Variants in OSTN observed in about 807,000 individuals in gnomAD.
OSTN encodes osteocrin.
A neutral mutation model predicts 12.0 loss-of-function variants in OSTN; 9 were observed. The observed-to-expected ratio is 0.75, with a 90% confidence interval of 0.45 to 1.30. The LOEUF (loss-of-function observed/expected upper bound fraction) is 1.30, where lower values mean the gene tolerates loss of function less well. Among genes scored for constraint, OSTN ranks in the 50% most tolerant of loss-of-function variants. The probability of loss-of-function intolerance (pLI) is 0.00; values close to 1 mark genes in which losing one functional copy is unlikely to be tolerated. For missense variants in OSTN, 148 were observed against 152.3 expected, an observed-to-expected ratio of 0.97 and a Z score of 0.15; for synonymous variants, 59 against 56.9, an observed-to-expected ratio of 1.04 and a Z score of -0.16.
intron 3 of OSTN, among the ~76,000 whole-genome samples, chr3:191,240,586 G>A (rs931503509): frequency 2.6e-5 from 4 of 152,098 alleles, no homozygotes; most frequent in Non-Finnish European, 5.9e-5. Flanking sequence ...TTTGTGCATC[G>A]GAAATCCAGG....
At chr3:191,204,936 T>C (rs140623473) in intron 1 of OSTN, among the ~76,000 whole-genome samples, 1 of 152,202 alleles carries the variant, frequency 6.6e-6, no homozygotes, top group Non-Finnish European at 1.5e-5. Flanking sequence ...ACAATTTTTT[T>C]AATTATGTTT....
At chr3:191,258,309 CA>C (rs1226058121) in intron 4 of OSTN, among the ~76,000 whole-genome samples, 6 of 152,140 alleles carry the variant, frequency 3.9e-5, no homozygotes, top group Non-Finnish European at 8.8e-5. Flanking sequence ...GGACAGAACT[CA>C]TTAAGGAACA....
chr3:191,219,816 A>G (rs1427061763), intron 3 of OSTN, among the ~76,000 whole-genome samples: 2 of 152,196 alleles, frequency 1.3e-5, no homozygotes, highest in Non-Finnish European at 2.9e-5. Flanking sequence ...CATATTAAAT[A>G]TCTCCAGAAT....
chr3:191,263,119 T>A lies in OSTN; in HGVS notation c.*266T>A, dbSNP rs1576907476. ...GTTAACTTCCCCTTAAACCTTACTT[T>A]TAAAAATAATAATTAAATACACAAT... On this transcript the variant is annotated 3_prime_UTR_variant, in exon 5 of 5. Transcript: ENST00000682035. 2.3e-6 allele frequency: 1 copy of A among 436,046 alleles called. No homozygotes were observed. The highest frequency in any genetic ancestry group is 4.1e-6 in the Non-Finnish European group (1 of 245,530). The allele number at this position is 436,046 out of a possible 1,614,324, so 27.0% of individuals were successfully genotyped here.
At chr3:191,259,491 T>A (rs6444523) in intron 4 of OSTN, among the ~76,000 whole-genome samples, 1 of 150,984 alleles carries the variant, frequency 6.6e-6, no homozygotes, top group Non-Finnish European at 1.5e-5. Flanking sequence ...GTGAGCCACC[T>A]TGCCTGGATT....
intron 4 of OSTN, among the ~76,000 whole-genome samples, chr3:191,253,717 T>C (rs985739676): frequency 6.6e-6 from 1 of 152,180 alleles, no homozygotes; most frequent in Non-Finnish European, 1.5e-5. Flanking sequence ...AGTTTAAAGG[T>C]ACCAAACTCT....
At chr3:191,238,614 C>T (rs1715254268) in intron 3 of OSTN, among the ~76,000 whole-genome samples, 2 of 152,180 alleles carry the variant, frequency 1.3e-5, no homozygotes, top group Non-Finnish European at 2.9e-5. Flanking sequence ...ACTCAGTTCC[C>T]GAACTTAACT....
Position 191,260,849 on chromosome 3 carries a change from G to C in OSTN, c.*13-2017G>C, listed in dbSNP as rs116004123. Among the ~76,000 whole-genome samples, 974 of 152,252 alleles carry C rather than the reference G, an allele frequency of 6.4e-3. 11 individuals are homozygous for C. The highest frequency in any genetic ancestry group is 0.021 in the African/African-American group (876 of 41,550). The stretch of plus-strand genomic sequence containing the variant: ...ACAGAAAGACAGAGACAAAGAAAAA[G>C]ACTGTTTCTGGGAGGAAAGAGATCA... On this transcript the variant is annotated intron_variant, in intron 4 of 4. Transcript: ENST00000682035.
At chr3:191,250,212 G>C in intron 4 of OSTN, 79 bp downstream of exon 4, 1 of 1,098,420 alleles carries the variant, frequency 9.1e-7, no homozygotes, top group Admixed American at 1.9e-5. Flanking sequence ...ATCCATTCTT[G>C]CTTATAAATC....
chr3:191,235,255 T>A (rs1374001809), intron 3 of OSTN, among the ~76,000 whole-genome samples: 1 of 152,114 alleles, frequency 6.6e-6, no homozygotes, highest in Non-Finnish European at 1.5e-5. Context: ...AATAACCATA[T>A]AACAGTAATT....
chr3:191,246,282 AGTG>A (rs1420913896), intron 3 of OSTN, among the ~76,000 whole-genome samples: 3 of 151,476 alleles, frequency 2.0e-5, no homozygotes, highest in Non-Finnish European at 4.4e-5. Context: ...AGTTCCTTAC[AGTG>A]GCAGGACCAA....
intron 4 of OSTN, among the ~76,000 whole-genome samples, chr3:191,259,978 C>T (rs1187114805): frequency 6.7e-6 from 1 of 148,756 alleles, no homozygotes; most frequent in African/African-American, 2.4e-5. Flanking sequence ...CCTCAGCCTC[C>T]GGGGTAGCTG....
At chr3:191,216,422 C>T (rs1714614440) in intron 2 of OSTN, among the ~76,000 whole-genome samples, 1 of 152,240 alleles carries the variant, frequency 6.6e-6, no homozygotes, top group South Asian at 2.1e-4. Context: ...CAAATTTCTG[C>T]TGCTGGATTA....
intron 1 of OSTN, among the ~76,000 whole-genome samples, chr3:191,203,116 T>C (rs1431539236): frequency 2.0e-5 from 3 of 152,210 alleles, no homozygotes; most frequent in Non-Finnish European, 4.4e-5. Flanking sequence ...TGTAGAAACA[T>C]AGGCTAATCT....
intron 3 of OSTN, among the ~76,000 whole-genome samples, chr3:191,220,533 T>TGGGAATGTAAATTAGTATAACAA (rs1714735994): frequency 6.6e-6 from 1 of 152,114 alleles, no homozygotes; most frequent in Non-Finnish European, 1.5e-5. Flanking sequence ...ACACTGTTAG[T>TGGGAATGTAAATTAGTATAACAA]GGGAATGTAA....
intron 3 of OSTN, among the ~76,000 whole-genome samples, chr3:191,230,673 A>G (rs1398308141): frequency 1.3e-5 from 2 of 152,052 alleles, no homozygotes; most frequent in Non-Finnish European, 2.9e-5. Flanking sequence ...GAAATTGGGA[A>G]GGAGAGTTGG....
chr3:191,234,870 C>T (rs1715151080), intron 3 of OSTN, among the ~76,000 whole-genome samples: 1 of 152,058 alleles, frequency 6.6e-6, no homozygotes, highest in African/African-American at 2.4e-5. Context: ...GCTTGATCCA[C>T]ACCAAAGCCA....
intron 4 of OSTN, among the ~76,000 whole-genome samples, chr3:191,255,020 C>T (rs551810799): frequency 6.6e-5 from 10 of 152,264 alleles, no homozygotes; most frequent in Admixed American, 1.3e-4. Flanking sequence ...CCAGGCTTTT[C>T]GGCGCCGGGG....
chr3:191,218,482 G>A (rs765108666), intron 2 of OSTN, among the ~76,000 whole-genome samples: 14 of 152,122 alleles, frequency 9.2e-5, no homozygotes, highest in Non-Finnish European at 1.8e-4. Flanking sequence ...AATTGGCCAG[G>A]CATGATGGCA....
Sources: gnomAD v4.1 joint callset for allele counts (sites outside exome capture counted in the v4.1 genomes callset) on GRCh38, gnomAD v4.1.1 for gene constraint, MANE v1.5 for transcripts, NCBI Gene and HGNC (gene_info 2026-07-23, HGNC 2026-07-21) for gene names.